The following EMC8 variants were observed in gnomAD, a reference collection of about 807,000 sequenced individuals.
EMC8 encodes the protein COX4 neighbor.
EMC8 carries 11 observed loss-of-function variants against 24.3 expected under a neutral mutation model. The ratio of observed to expected loss-of-function variants is 0.45; its 90% CI spans 0.28 to 0.75. The LOEUF is 0.75. EMC8 is among the 30% of genes least tolerant of loss of function. The pLI is 0.12. For synonymous variants in EMC8, 145 were observed against 117.7 expected, an observed-to-expected ratio of 1.23 and a Z score of -1.50; for missense variants, 277 against 282.7, an observed-to-expected ratio of 0.98 and a Z score of 0.14.
At chr16:85,790,183 A>C (rs1904939768) in intron 1 of EMC8, among the ~76,000 whole-genome samples, 4 of 152,170 alleles carry the variant, frequency 2.6e-5, no homozygotes, top group Admixed American at 2.6e-4. Context: ...AAACTGGTTA[A>C]AAATGGATGT....
intron 1 of EMC8, chr16:85,792,373 CTTTAGAA>C (rs1485821796): frequency 6.6e-6 from 1 of 152,186 alleles, no homozygotes; most frequent in Non-Finnish European, 1.5e-5. Context: ...TCTGGCCTGG[CTTTAGAA>C]TTTAGAACTT....
At position 85,779,771 on chromosome 16, in the gene EMC8, C is replaced by T; in HGVS notation, c.570G>A (p.Leu190=). 10 of 1,614,220 alleles carry T rather than the reference C, an allele frequency of 6.2e-6. No homozygotes were observed. The highest frequency in any genetic ancestry group is 8.5e-6 in the Non-Finnish European group (10 of 1,180,040). The change falls in exon 5 of 5, where the codon CTG becomes CTA. Residue 190 remains leucine, a synonymous_variant. Coordinates refer to ENST00000253457, the MANE Select transcript of EMC8 (RefSeq NM_006067.5). Reference sequence around the variant, plus strand: ...TTGTCCAGTCATTCCGAATGTCATCCAGGTGGTTATCGAAATCCACGAGCG... The same window carrying T: ...TTGTCCAGTCATTCCGAATGTCATCTAGGTGGTTATCGAAATCCACGAGCG... The part of the protein sequence containing the change: ...YETLVDFDNH[L]DDIRNDWTNP...
chr16:85,779,526 T>G lies in EMC8; in HGVS notation c.*182A>C. 1 of 585,094 alleles carries G rather than the reference T, an allele frequency of 1.7e-6. No individual in the cohort carries two copies. The highest frequency in any genetic ancestry group is 3.0e-6 in the Non-Finnish European group (1 of 329,958). The allele number at this position is 585,094 out of a possible 1,614,324, so 36.2% of individuals were successfully genotyped here. Reference sequence around the variant, plus strand: ...AGTCAGACGGGATGTCTGCACCTCTTCTAGAGACTCTGTGTTAAAAACACG... The same window carrying G: ...AGTCAGACGGGATGTCTGCACCTCTGCTAGAGACTCTGTGTTAAAAACACG... On this transcript the variant is annotated 3_prime_UTR_variant, in exon 5 of 5. Transcript: ENST00000253457.
chr16:85,786,411 A>G (rs1904756684), intron 2 of EMC8, among the ~76,000 whole-genome samples: 2 of 152,316 alleles, frequency 1.3e-5, no homozygotes, highest in South Asian at 4.1e-4. Flanking sequence ...CTGAGCTCCC[A>G]AGCTGTGTGG....
At chr16:85,793,482 G>A (rs1905102237) in intron 1 of EMC8, among the ~76,000 whole-genome samples, 1 of 152,202 alleles carries the variant, frequency 6.6e-6, no homozygotes, top group Non-Finnish European at 1.5e-5. Context: ...GATAGAGGGT[G>A]AAGTTCAGGG....
At position 85,791,105 on chromosome 16, in the gene EMC8, G is replaced by A. The variant is rs117546143; in HGVS notation, c.232-2055C>T. 5.2e-3 allele frequency among the ~76,000 whole-genome samples: 780 copies of A among 149,860 alleles called. 3 individuals are homozygous for A. The highest frequency in any genetic ancestry group is 8.6e-3 in the Non-Finnish European group (580 of 67,442). On this transcript the variant is annotated intron_variant, in intron 1 of 4. Coordinates refer to ENST00000253457, the MANE Select transcript of EMC8 (RefSeq NM_006067.5). ...GGCCTCCCAAAGTGCTGAGATTACA[G>A]GCACAAGCCACCATGCCCAATTTTT...
intron 1 of EMC8, among the ~76,000 whole-genome samples, chr16:85,793,507 G>C (rs549382735): frequency 1.3e-5 from 2 of 152,176 alleles, no homozygotes; most frequent in African/African-American, 4.8e-5. Context: ...GAACTCAAAG[G>C]GGGAACCACA....
chr16:85,796,009 C>T (rs1029058080), intron 1 of EMC8, among the ~76,000 whole-genome samples: 8 of 152,130 alleles, frequency 5.3e-5, no homozygotes, highest in Non-Finnish European at 8.8e-5. Flanking sequence ...AGAGGACACA[C>T]GCGGTTGGAG....
At chr16:85,791,356 G>C (rs1905002562) in intron 1 of EMC8, among the ~76,000 whole-genome samples, 1 of 152,052 alleles carries the variant, frequency 6.6e-6, no homozygotes, top group African/African-American at 2.4e-5. Context: ...GAATATGCAG[G>C]TTTGTTACAT....
Position 85,788,991 on chromosome 16 carries a change from C to A in EMC8, c.291G>T (p.Glu97Asp). The A allele has an allele frequency of 6.2e-7, 1 of 1,613,548 alleles. No individual in the cohort carries two copies. The highest frequency in any genetic ancestry group is 8.5e-7 in the Non-Finnish European group (1 of 1,179,420). The change falls in exon 2 of 5, where the codon GAG becomes GAT. Residue 97 changes from glutamate (E) to aspartate (D), a missense_variant. Physicochemically the swap from Glu to Asp is conservative, Grantham distance 45. Transcript: ENST00000253457. ...CCACGTACCTGGCATCCTTTACTCGCTCATTAGCTTGATAATAACCAGCAA... is the reference window on the plus strand; with the variant it reads ...CCACGTACCTGGCATCCTTTACTCGATCATTAGCTTGATAATAACCAGCAA... ...YVIAGYYQAN[E>D]RVKDASPNQV...
At chr16:85,798,627 G>T (rs1453135182) in intron 1 of EMC8, 1 of 165,378 alleles carries the variant, frequency 6.0e-6, no homozygotes, top group African/African-American at 2.4e-5. Context: ...GACAGCCAAA[G>T]AAGCATTTAC....
intron 1 of EMC8, among the ~76,000 whole-genome samples, chr16:85,790,981 CCTGT>C (rs1220990847): frequency 6.6e-6 from 1 of 152,128 alleles, no homozygotes; most frequent in East Asian, 1.9e-4. Context: ...TGTGCGCCAT[CCTGT>C]CTGGCTAATT....
chr16:85,790,774 C>T (rs1199576562), intron 1 of EMC8, among the ~76,000 whole-genome samples: 1 of 152,140 alleles, frequency 6.6e-6, no homozygotes, highest in African/African-American at 2.4e-5. Flanking sequence ...TCAGATTGGC[C>T]ACTGTCTTAG....
chr16:85,788,312 C>A (rs932926746), intron 2 of EMC8, among the ~76,000 whole-genome samples: 2 of 152,262 alleles, frequency 1.3e-5, no homozygotes, highest in African/African-American at 2.4e-5. Context: ...GGGCTGTTGT[C>A]GCCAGCCTTG....
chr16:85,791,125 A>T (rs951021753), intron 1 of EMC8, among the ~76,000 whole-genome samples: 2 of 149,802 alleles, frequency 1.3e-5, no homozygotes, highest in African/African-American at 2.5e-5. Flanking sequence ...ACCATGCCCA[A>T]TTTTTTTTTT....
intron 1 of EMC8, among the ~76,000 whole-genome samples, chr16:85,797,177 G>C (rs1905271838): frequency 6.6e-6 from 1 of 152,208 alleles, no homozygotes; most frequent in Non-Finnish European, 1.5e-5. Context: ...GGATGCGGAG[G>C]TGGCCGTATT....
At chr16:85,786,753 G>C (rs1203932653) in intron 2 of EMC8, among the ~76,000 whole-genome samples, 1 of 152,182 alleles carries the variant, frequency 6.6e-6, no homozygotes, top group African/African-American at 2.4e-5. Flanking sequence ...TAGAAGGAAG[G>C]TATGGAGAGC....
intron 1 of EMC8, among the ~76,000 whole-genome samples, chr16:85,790,265 G>A (rs1363008711): frequency 6.6e-6 from 1 of 151,446 alleles, no homozygotes; most frequent in Non-Finnish European, 1.5e-5. Flanking sequence ...TCTCCTTCAC[G>A]ACCAAAAGCA....
intron 2 of EMC8, among the ~76,000 whole-genome samples, chr16:85,783,360 C>T (rs1000984433): frequency 1.3e-5 from 2 of 152,138 alleles, no homozygotes; most frequent in Non-Finnish European, 2.9e-5. Context: ...TGGCTATTCA[C>T]AGGTGTGATC....
Sources: allele counts gnomAD v4.1 joint callset (sites outside exome capture counted in the v4.1 genomes callset), GRCh38; gene constraint gnomAD v4.1.1; transcripts MANE v1.5; gene names NCBI Gene and HGNC (gene_info 2026-07-23, HGNC 2026-07-21).